RUNDC3B: variants seen among roughly 807,000 people sequenced by gnomAD.
The protein encoded by RUNDC3B is RUN domain containing 3B, also known as RUN domain-containing protein 3B.
In RUNDC3B, 33 loss-of-function variants were observed where a neutral mutation model predicts 58.4. The ratio of observed to expected loss-of-function variants is 0.56; its 90% CI spans 0.43 to 0.75. The LOEUF (loss-of-function observed/expected upper bound fraction) is 0.75. RUNDC3B is among the 30% of genes least tolerant of loss of function. The pLI, the probability that RUNDC3B is intolerant of heterozygous loss-of-function variation, is 0.00. For missense variants in RUNDC3B, 501 were observed against 535.7 expected (o/e 0.94, Z 0.64); for synonymous variants, 193 against 195.2 (o/e 0.99, Z 0.10).
At chr7:87,818,198 G>A (rs2130954508) in intron 10 of RUNDC3B, among the ~76,000 whole-genome samples, 1 of 152,060 alleles carries the variant, frequency 6.6e-6, no homozygotes, top group Non-Finnish European at 1.5e-5. Context: ...TTTAATTATA[G>A]GTATTTTGAT....
intron 8 of RUNDC3B, among the ~76,000 whole-genome samples, chr7:87,784,715 G>A (rs1835111722): frequency 6.9e-6 from 1 of 144,302 alleles, no homozygotes; most frequent in African/African-American, 2.6e-5. Flanking sequence ...TAGGGGAGAT[G>A]TGGTGAGGGG....
chr7:87,628,445 G>A lies in RUNDC3B; in HGVS notation c.-379G>A, dbSNP rs1401012595. ...CACGAGTGGCTGCGGAGTGTGGGTG[G>A]TTGGGCGTGAGGGGCCGACGGGCTC... On this transcript the variant is annotated 5_prime_UTR_variant, in exon 1 of 11. Coordinates refer to ENST00000394654, the MANE Select transcript of RUNDC3B (RefSeq NM_001134405.2). 5.9e-6 allele frequency: 1 copy of A among 168,940 alleles called. No homozygotes were observed. The highest frequency in any genetic ancestry group is 2.4e-5 in the African/African-American group (1 of 42,080). The allele number at this position is 168,940 out of a possible 1,614,324, so 10.5% of individuals were successfully genotyped here. A position where few individuals can be genotyped will look rare whatever the true frequency, so the allele number is the denominator to read the frequency against.
chr7:87,816,028 C>A, intron 9 of RUNDC3B, 113 bp from the exon 10 acceptor site: 1 of 712,800 alleles, frequency 1.4e-6, no homozygotes. Context: ...AGGAGAAATG[C>A]TGGGGAGAAT....
chr7:87,821,567 G>T (rs1358199111), intron 10 of RUNDC3B, among the ~76,000 whole-genome samples: 3 of 152,186 alleles, frequency 2.0e-5, no homozygotes, highest in Non-Finnish European at 2.9e-5. Context: ...AATCAAAAAA[G>T]AGCCCGCATC....
intron 9 of RUNDC3B, among the ~76,000 whole-genome samples, chr7:87,811,558 G>A (rs985060654): frequency 6.6e-6 from 1 of 152,070 alleles, no homozygotes; most frequent in Non-Finnish European, 1.5e-5. Flanking sequence ...GGATGGCCTC[G>A]ATCTCTTGAC....
Position 87,741,534 on chromosome 7 carries a change from T to C in RUNDC3B, c.584T>C (p.Phe195Ser). The C allele has an allele frequency of 6.3e-7, 1 of 1,589,438 alleles. No homozygotes were observed. The highest frequency in any genetic ancestry group is 8.6e-7 in the Non-Finnish European group (1 of 1,162,688). The change falls in exon 6 of 11, where the codon TTT (phenylalanine) becomes TCT (serine). Residue 195 changes from phenylalanine (F) to serine (S), a missense_variant. By Grantham distance (155) the Phe-to-Ser change is radical. Transcript: ENST00000394654. ...CLKGEGLDGS[F>S]PAVIDYTPYL... ...AAGGGAGAGGGGCTGGATGGCAGTT[T>C]TCCTGCTGTAATAGACTATACACCA...
At chr7:87,633,512 T>G (rs1038678688) in intron 1 of RUNDC3B, among the ~76,000 whole-genome samples, 1 of 152,228 alleles carries the variant, frequency 6.6e-6, no homozygotes, top group Non-Finnish European at 1.5e-5. Context: ...TCTTTGAGCT[T>G]TTGCATCCTT....
At chr7:87,818,945 C>T (rs1837238777) in intron 10 of RUNDC3B, among the ~76,000 whole-genome samples, 1 of 152,174 alleles carries the variant, frequency 6.6e-6, no homozygotes, top group South Asian at 2.1e-4. Flanking sequence ...CAACAGCATA[C>T]TTTGGCACAC....
At chr7:87,768,859 A>C (rs1302236157) in intron 6 of RUNDC3B, among the ~76,000 whole-genome samples, 1 of 151,948 alleles carries the variant, frequency 6.6e-6, no homozygotes, top group East Asian at 1.9e-4. Context: ...TCTGAGGAGA[A>C]CTGGCATCTG....
chr7:87,680,245 A>T lies in RUNDC3B; in HGVS notation c.239-20176A>T, dbSNP rs542286261. On this transcript the variant is annotated intron_variant, in intron 2 of 10. Transcript: ENST00000394654. ...GGCTGCGTAGTATTCCATGGTGTGT[A>T]TGTGCCACATTTTCTTAATCCAGTC... is the stretch of plus-strand genomic sequence containing the variant. Among the ~76,000 whole-genome samples, 4 of 150,546 alleles carry T rather than the reference A, an allele frequency of 2.7e-5. No individual in the cohort carries two copies. In the South Asian group the frequency reaches 8.4e-4, roughly 32 times the overall value.
chr7:87,722,780 C>T (rs1411742795), intron 4 of RUNDC3B, among the ~76,000 whole-genome samples: 5 of 152,176 alleles, frequency 3.3e-5, no homozygotes, highest in Non-Finnish European at 5.9e-5. Flanking sequence ...CAAGTAGGCA[C>T]AAGCATACTC....
At chr7:87,754,618 C>T (rs1033560861) in intron 6 of RUNDC3B, among the ~76,000 whole-genome samples, 3 of 151,814 alleles carry the variant, frequency 2.0e-5, no homozygotes, top group African/African-American at 7.3e-5. Context: ...AAGACACACA[C>T]AAAAAAATTC....
intron 10 of RUNDC3B, among the ~76,000 whole-genome samples, chr7:87,825,758 T>G (rs758986749): frequency 2.4e-4 from 36 of 152,292 alleles, no homozygotes; most frequent in Non-Finnish European, 4.6e-4. Context: ...ATCCATCCCT[T>G]GCATCAGCAT....
chr7:87,647,773 A>G (rs1823159931), intron 1 of RUNDC3B, among the ~76,000 whole-genome samples: 1 of 152,210 alleles, frequency 6.6e-6, no homozygotes, highest in South Asian at 2.1e-4. Flanking sequence ...TCATGATCAG[A>G]CACCAATAAT....
chr7:87,760,948 T>C (rs1833643853), intron 6 of RUNDC3B, among the ~76,000 whole-genome samples: 1 of 151,822 alleles, frequency 6.6e-6, no homozygotes, highest in Non-Finnish European at 1.5e-5. Flanking sequence ...ACACCAAAAA[T>C]GTAAATAACA....
intron 1 of RUNDC3B, among the ~76,000 whole-genome samples, chr7:87,632,169 C>G (rs28381763): frequency 0.01 from 1,523 of 150,546 alleles, 12 homozygotes; most frequent in Admixed American, 0.017. Flanking sequence ...TATACTTTCA[C>G]AGTAATGTTT....
At chr7:87,743,357 G>C (rs1160369904) in intron 6 of RUNDC3B, among the ~76,000 whole-genome samples, 1 of 152,126 alleles carries the variant, frequency 6.6e-6, no homozygotes, top group African/African-American at 2.4e-5. Flanking sequence ...GGATCAAATG[G>C]TAGTTCTACT....
chr7:87,700,367 A>T (rs1828921400), intron 2 of RUNDC3B, 54 bp from the exon 3 acceptor site: 1 of 1,410,036 alleles, frequency 7.1e-7, no homozygotes, highest in South Asian at 1.3e-5. Context: ...TGCATTTTCA[A>T]GTCTAGTTTT....
intron 1 of RUNDC3B, among the ~76,000 whole-genome samples, chr7:87,631,752 G>C (rs1039669061): frequency 6.6e-6 from 1 of 152,108 alleles, no homozygotes. Flanking sequence ...GAAAGAAGTT[G>C]ATCTGGTGGA....
Sources: allele counts gnomAD v4.1 joint callset (sites outside exome capture counted in the v4.1 genomes callset), GRCh38; gene constraint gnomAD v4.1.1; transcripts MANE v1.5; gene names NCBI Gene and HGNC (gene_info 2026-07-23, HGNC 2026-07-21).